The following DYNC2H1 variants were observed in gnomAD, a reference collection of about 807,000 sequenced individuals.
The protein encoded by DYNC2H1 is dynein cytoplasmic 2 heavy chain 1, also known as cytoplasmic dynein 2 heavy chain 1.
DYNC2H1 carries 410 observed loss-of-function variants against 570.0 expected under a neutral mutation model. The ratio of observed to expected loss-of-function variants is 0.72; its 90% CI spans 0.66 to 0.78. The LOEUF (loss-of-function observed/expected upper bound fraction) is 0.78. Ranked by LOEUF, DYNC2H1 falls within the 30% of genes least tolerant of loss-of-function variation. DYNC2H1 has a pLI of 0.00. For synonymous variants in DYNC2H1, 1,688 were observed against 1,677.6 expected (o/e 1.01, Z -0.15); for missense variants, 4,865 against 5,046.4 (o/e 0.96, Z 1.09).
At chr11:103,419,088 G>T (rs2135710693) in intron 84 of DYNC2H1, among the ~76,000 whole-genome samples, 1 of 151,982 alleles carries the variant, frequency 6.6e-6, no homozygotes, top group East Asian at 2.0e-4. Flanking sequence ...AGACCCACTG[G>T]CCTGGAATTC....
intron 82 of DYNC2H1, among the ~76,000 whole-genome samples, chr11:103,350,542 A>G (rs1939997914): frequency 6.6e-6 from 1 of 152,196 alleles, no homozygotes; most frequent in Non-Finnish European, 1.5e-5. Context: ...TTCATTTTAT[A>G]GATACCATTT....
At position 103,468,572 on chromosome 11, in the gene DYNC2H1, A is replaced by G; in HGVS notation, c.12649-17A>G. The G allele has an allele frequency of 6.3e-7, 1 of 1,590,164 alleles. No individual in the cohort carries two copies. Among genetic ancestry groups the G allele is most frequent in the Non-Finnish European group, 8.6e-7 (1 of 1,159,714 alleles). ...ACTTTAATGCATATTTTCATGACATATTTGTTTCCATGGCAGATCAGTGGC... is the reference window on the plus strand; with the variant it reads ...ACTTTAATGCATATTTTCATGACATGTTTGTTTCCATGGCAGATCAGTGGC... On this transcript the variant is annotated splice_polypyrimidine_tract_variant and intron_variant, in intron 87 of 88. Transcript: ENST00000375735.
intron 34 of DYNC2H1, 79 bp from the exon 35 acceptor site, chr11:103,173,003 A>G: frequency 1.4e-6 from 1 of 738,726 alleles, no homozygotes; most frequent in Non-Finnish European, 1.8e-6. Flanking sequence ...TATAGTTTCA[A>G]ATATAAACGA....
intron 84 of DYNC2H1, among the ~76,000 whole-genome samples, chr11:103,425,314 C>G (rs1179409940): frequency 6.6e-6 from 1 of 152,148 alleles, no homozygotes; most frequent in East Asian, 1.9e-4. Flanking sequence ...TTATTTCTTA[C>G]AGTTCTGAAG....
chr11:103,338,700 G>A (rs774185346), intron 82 of DYNC2H1, among the ~76,000 whole-genome samples: 1 of 152,146 alleles, frequency 6.6e-6, no homozygotes, highest in Non-Finnish European at 1.5e-5. Flanking sequence ...CTTTCTTAAA[G>A]TTGTCTGATA....
At chr11:103,441,358 TC>T (rs1404956255) in intron 85 of DYNC2H1, among the ~76,000 whole-genome samples, 1 of 148,820 alleles carries the variant, frequency 6.7e-6, no homozygotes, top group African/African-American at 2.5e-5. Context: ...ACCCCCGCAC[TC>T]CCCCCTCCAA....
At chr11:103,287,394 C>T (rs541149428) in intron 74 of DYNC2H1, 139 bp from the exon 75 acceptor site, 3 of 673,310 alleles carry the variant, frequency 4.5e-6, no homozygotes, top group Non-Finnish European at 7.4e-6. Flanking sequence ...CAGTTTAAAG[C>T]ACAGTAAATA....
chr11:103,176,343 G>T lies in DYNC2H1; in HGVS notation c.5783G>T (p.Gly1928Val). The T allele has an allele frequency of 2.5e-6, 4 of 1,585,460 alleles. No individual in the cohort carries two copies. The highest frequency in any genetic ancestry group is 2.6e-6 in the Non-Finnish European group (3 of 1,165,768). The change falls in exon 37 of 89, where the codon GGA becomes GTA. Residue 1928 changes from glycine (G) to valine (V), a missense_variant. Physicochemically the swap from Gly to Val is moderately radical, Grantham distance 109. Coordinates refer to ENST00000375735, the MANE Select transcript of DYNC2H1 (RefSeq NM_001377.3). The stretch of plus-strand genomic sequence containing the variant: ...GCACTGATAAAAGATGTCTTTCCGG[G>T]AATTGAATTGAAAGAAGTGGAATAT... Reference protein sequence around the residue: ...FDALIKDVFPGIELKEVEYDE... With the variant: ...FDALIKDVFPVIELKEVEYDE...
intron 73 of DYNC2H1, among the ~76,000 whole-genome samples, chr11:103,285,978 G>A (rs1356546217): frequency 2.0e-5 from 3 of 152,096 alleles, no homozygotes; most frequent in Non-Finnish European, 4.4e-5. Flanking sequence ...TTCACAAGGT[G>A]GAGATAGCTA....
chr11:103,134,564 A>C (rs774347523), intron 15 of DYNC2H1, 145 bp downstream of exon 15: 6 of 467,204 alleles, frequency 1.3e-5, no homozygotes, highest in Non-Finnish European at 1.1e-5. Context: ...TTTTTGACTG[A>C]ATTATATATA....
chr11:103,377,786 G>C (rs1334214413), intron 83 of DYNC2H1, among the ~76,000 whole-genome samples: 1 of 152,126 alleles, frequency 6.6e-6, no homozygotes, highest in Admixed American at 6.5e-5. Context: ...GCCCAGGCTG[G>C]AGTGCAGTGG....
chr11:103,131,383 G>A (rs553561141), intron 13 of DYNC2H1, among the ~76,000 whole-genome samples: 4 of 151,944 alleles, frequency 2.6e-5, no homozygotes, highest in South Asian at 2.1e-4. Context: ...AAGCTCTCCC[G>A]GGTTCACCCA....
At chr11:103,308,818 C>A (rs1243292510) in intron 78 of DYNC2H1, among the ~76,000 whole-genome samples, 4 of 151,972 alleles carry the variant, frequency 2.6e-5, no homozygotes, top group Admixed American at 1.3e-4. Context: ...AAATTCTTTG[C>A]CTACTTTTAA....
chr11:103,113,508 A>G, intron 1 of DYNC2H1, 29 bp from the exon 2 acceptor site: 2 of 1,460,868 alleles, frequency 1.4e-6, no homozygotes, highest in Non-Finnish European at 1.8e-6. Flanking sequence ...TTTTATGAAG[A>G]TAACATTAAA....
At chr11:103,445,991 G>C (rs2135780976) in intron 85 of DYNC2H1, among the ~76,000 whole-genome samples, 1 of 152,196 alleles carries the variant, frequency 6.6e-6, no homozygotes, top group Middle Eastern at 3.4e-3. Flanking sequence ...TGGTTAAGTG[G>C]TTTAGTGAGT....
At position 103,219,901 on chromosome 11, in the gene DYNC2H1, A is replaced by T; in HGVS notation, c.8833-14A>T. ...ATTAAAATTGATTGGAATGCCACTT[A>T]AATATTCTTATAGGATGCTAGTGAG... On this transcript the variant is annotated splice_polypyrimidine_tract_variant and intron_variant, in intron 55 of 88. Coordinates refer to ENST00000375735, the MANE Select transcript of DYNC2H1 (RefSeq NM_001377.3). 6.9e-7 allele frequency: 1 copy of T among 1,443,492 alleles called. No homozygotes were observed. The allele number at this position is 1,443,492 out of a possible 1,614,324, so 89.4% of individuals were successfully genotyped here.
chr11:103,385,647 C>G (rs1034745211), intron 83 of DYNC2H1, among the ~76,000 whole-genome samples: 2 of 152,174 alleles, frequency 1.3e-5, no homozygotes, highest in African/African-American at 4.8e-5. Flanking sequence ...ATAGCATTAT[C>G]TCCTTAAATA....
At position 103,150,772 on chromosome 11, in the gene DYNC2H1, A is replaced by T. The variant is rs149235302; in HGVS notation, c.2947-1364A>T. 7.4e-3 allele frequency among the ~76,000 whole-genome samples: 1,129 copies of T among 152,308 alleles called. 7 individuals are homozygous for T. The highest frequency in any genetic ancestry group is 0.012 in the Non-Finnish European group (818 of 68,030). On this transcript the variant is annotated intron_variant, in intron 20 of 88. Coordinates refer to ENST00000375735, the MANE Select transcript of DYNC2H1 (RefSeq NM_001377.3). The stretch of plus-strand genomic sequence containing the variant: ...GCATAGGATGAGGAGCAAAGGACAT[A>T]AATGGAGTGGGAGGAAAGACAAGAG...
intron 60 of DYNC2H1, among the ~76,000 whole-genome samples, chr11:103,232,230 T>C (rs1014395489): frequency 1.3e-5 from 2 of 152,036 alleles, no homozygotes; most frequent in Admixed American, 6.6e-5. Context: ...GGTGTTATAC[T>C]GGGTAATTTA....
Sources: gnomAD v4.1 joint callset for allele counts (sites outside exome capture counted in the v4.1 genomes callset) on GRCh38, gnomAD v4.1.1 for gene constraint, MANE v1.5 for transcripts, NCBI Gene and HGNC (gene_info 2026-07-23, HGNC 2026-07-21) for gene names.